Variants in ITPRID1 observed in about 807,000 individuals in gnomAD.
ITPRID1 encodes protein ITPRID1.
ITPRID1 carries 96 observed loss-of-function variants against 95.4 expected under a neutral mutation model. The observed-to-expected ratio is 1.01, with a 90% CI of 0.85 to 1.19. The LOEUF is 1.19. Among genes scored for constraint, ITPRID1 ranks in the 50% most tolerant of loss-of-function variants. ITPRID1 has a pLI of 0.00. For synonymous variants in ITPRID1, 510 were observed against 453.6 expected, an observed-to-expected ratio of 1.12 and a Z score of -1.58; for missense variants, 1,339 against 1,252.9, an observed-to-expected ratio of 1.07 and a Z score of -1.04.
intron 12 of ITPRID1, among the ~76,000 whole-genome samples, chr7:31,646,525 A>G (rs1790483234): frequency 6.6e-6 from 1 of 152,116 alleles, no homozygotes; most frequent in Admixed American, 6.5e-5. Context: ...TCAGAATAGG[A>G]GCAGAAGATT....
chr7:31,644,484 C>T (rs907394690), intron 12 of ITPRID1, among the ~76,000 whole-genome samples: 1 of 152,140 alleles, frequency 6.6e-6, no homozygotes, highest in Admixed American at 6.5e-5. Flanking sequence ...GGGTGTGTTA[C>T]TCTTATATGT....
intron 10 of ITPRID1, among the ~76,000 whole-genome samples, chr7:31,601,110 T>C (rs901357266): frequency 6.6e-6 from 1 of 152,106 alleles, no homozygotes; most frequent in African/African-American, 2.4e-5. Flanking sequence ...CTCATAGAAT[T>C]TGTAAGTATC....
chr7:31,658,153 G>A (rs1348938590), downstream of ITPRID1: 1 of 808,418 alleles, frequency 1.2e-6, no homozygotes, highest in Non-Finnish European at 1.8e-6. Flanking sequence ...CTGAACCACA[G>A]TGTATGCATA....
rs539950624 is a variant in ITPRID1 at position 31,571,029 on chromosome 7, T to TG, written c.309-1073_309-1072insG. ...AGGACAGGGCCCAGCTATTGTTTTT[T>TG]TTTGTTTGTTTGTTTGTTTTTGAGA... On this transcript the variant is annotated intron_variant, in intron 6 of 14. Transcript: ENST00000615280. 2.0e-3 allele frequency among the ~76,000 whole-genome samples: 299 copies of TG among 151,468 alleles called. 1 individual carries two copies. Among genetic ancestry groups the TG allele is most frequent in the African/African-American group, 6.0e-3 (248 of 41,370 alleles).
intron 10 of ITPRID1, among the ~76,000 whole-genome samples, chr7:31,639,358 G>T (rs1789788859): frequency 1.3e-5 from 2 of 151,772 alleles, no homozygotes; most frequent in Non-Finnish European, 2.9e-5. Flanking sequence ...CTTTTCTTCT[G>T]CAGTCTCTAA....
chr7:31,536,282 T>G (rs1008469722), intron 1 of ITPRID1, among the ~76,000 whole-genome samples: 1 of 152,218 alleles, frequency 6.6e-6, no homozygotes, highest in East Asian at 1.9e-4. Flanking sequence ...TCTTCATTTC[T>G]AGTACCACAT....
chr7:31,642,313 C>G (rs1790097602), intron 11 of ITPRID1, 55 bp downstream of exon 11: 1 of 1,220,788 alleles, frequency 8.2e-7, no homozygotes, highest in African/African-American at 1.5e-5. Flanking sequence ...CCACTTCAGC[C>G]CTATCAACCA....
chr7:31,521,904 ATTTTTTTTTTT>A (rs55777151), intron 1 of ITPRID1, among the ~76,000 whole-genome samples: 4 of 119,014 alleles, frequency 3.4e-5, no homozygotes, highest in East Asian at 4.7e-4. Flanking sequence ...GGCTAATTTA[ATTTTTTTTTTT>A]TTTTTTTTTT....
At chr7:31,541,347 A>G (rs548032879) in intron 1 of ITPRID1, among the ~76,000 whole-genome samples, 60 of 152,270 alleles carry the variant, frequency 3.9e-4, no homozygotes, top group Admixed American at 2.2e-3. Context: ...TGATGTCACA[A>G]TCTCCAAAGT....
intron 1 of ITPRID1, among the ~76,000 whole-genome samples, chr7:31,544,898 C>T (rs1784048418): frequency 6.6e-6 from 1 of 152,098 alleles, no homozygotes; most frequent in African/African-American, 2.4e-5. Flanking sequence ...GAGTTAGAAG[C>T]AATCATTCAT....
chr7:31,649,541 T>C (rs1197975461), intron 12 of ITPRID1, among the ~76,000 whole-genome samples: 1 of 152,212 alleles, frequency 6.6e-6, no homozygotes, highest in East Asian at 1.9e-4. Flanking sequence ...CTCTAAAGTA[T>C]TCTTGTTAAC....
chr7:31,565,146 A>G (rs911467246), intron 5 of ITPRID1, among the ~76,000 whole-genome samples: 2 of 152,210 alleles, frequency 1.3e-5, no homozygotes, highest in African/African-American at 4.8e-5. Flanking sequence ...GGAAAAAGCT[A>G]TCACTGCTTC....
chr7:31,618,031 C>T (rs1787435982), intron 10 of ITPRID1, among the ~76,000 whole-genome samples: 1 of 152,150 alleles, frequency 6.6e-6, no homozygotes, highest in African/African-American at 2.4e-5. Context: ...GTAGTTGTGG[C>T]ATCCATGGGA....
intron 7 of ITPRID1, among the ~76,000 whole-genome samples, chr7:31,572,702 T>A (rs927587659): frequency 6.6e-6 from 1 of 152,114 alleles, no homozygotes; most frequent in Non-Finnish European, 1.5e-5. Flanking sequence ...CTATTAAAAA[T>A]TTTTTAACAA....
downstream of ITPRID1, among the ~76,000 whole-genome samples, chr7:31,657,517 G>A (rs1239602265): frequency 3.9e-5 from 6 of 152,148 alleles, no homozygotes; most frequent in African/African-American, 1.4e-4. Context: ...AAGGAGATGA[G>A]TTCCACCACA....
chr7:31,529,660 A>G lies in ITPRID1; in HGVS notation c.-98+15540A>G. 4.3e-6 allele frequency: 4 copies of G among 930,146 alleles called. No individual in the cohort carries two copies. The South Asian group carries it at 6.5e-5, about 15-fold the overall frequency. 57.6% of individuals were successfully genotyped at this position (930,146 alleles called of 1,614,324 possible). A position where few individuals can be genotyped will look rare whatever the true frequency, so the allele number is the denominator to read the frequency against. The stretch of plus-strand genomic sequence containing the variant: ...ATGACCAACTTTTAAATAGGAGCAG[A>G]CAGAAACTTGGGTCATAGTTCTGCA... On this transcript the variant is annotated intron_variant, in intron 1 of 14. Coordinates refer to ENST00000615280, the MANE Select transcript of ITPRID1 (RefSeq NM_001257967.3).
chr7:31,564,046 A>G (rs927026279), intron 5 of ITPRID1, among the ~76,000 whole-genome samples: 2 of 152,182 alleles, frequency 1.3e-5, no homozygotes, highest in African/African-American at 2.4e-5. Flanking sequence ...TGATTAGTCT[A>G]TTGGACGATA....
intron 10 of ITPRID1, among the ~76,000 whole-genome samples, chr7:31,616,886 T>C (rs1279297264): frequency 6.6e-6 from 1 of 152,174 alleles, no homozygotes; most frequent in African/African-American, 2.4e-5. Context: ...CAAACCTCTC[T>C]TGCTTACTTT....
intron 1 of ITPRID1, chr7:31,517,860 C>T (rs774475597): frequency 6.6e-6 from 1 of 152,326 alleles, no homozygotes; most frequent in East Asian, 1.9e-4. Context: ...CACATTGTCA[C>T]CTCTCAATAC....
Sources: gnomAD v4.1 joint callset for allele counts (sites outside exome capture counted in the v4.1 genomes callset) on GRCh38, gnomAD v4.1.1 for gene constraint, MANE v1.5 for transcripts, NCBI Gene and HGNC (gene_info 2026-07-23, HGNC 2026-07-21) for gene names.